PDE4B: variants seen among roughly 807,000 people sequenced by gnomAD.
PDE4B encodes the protein phosphodiesterase 4B, also known as 3',5'-cyclic-AMP phosphodiesterase 4B.
PDE4B carries 20 observed loss-of-function variants against 82.2 expected under a neutral mutation model. That is an observed-to-expected ratio of 0.24 (90% CI 0.17 to 0.35). The LOEUF (loss-of-function observed/expected upper bound fraction) is 0.35, where lower values mean the gene tolerates loss of function less well. PDE4B is among the 10% of genes least tolerant of loss of function. The pLI is 1.00. For missense variants in PDE4B, 655 were observed against 907.2 expected, an observed-to-expected ratio of 0.72 and a Z score of 3.57; for synonymous variants, 320 against 318.9, an observed-to-expected ratio of 1.00 and a Z score of -0.04.
rs71058429 is a variant in PDE4B at position 65,796,646 on chromosome 1, C to CTT, written c.-71+3418_-71+3419dup. 5.4e-3 allele frequency among the ~76,000 whole-genome samples: 415 copies of CTT among 76,296 alleles called. 9 individuals are homozygous for CTT. Among genetic ancestry groups the CTT allele is most frequent in the Middle Eastern group, 0.018 (2 of 114 alleles). The allele number at this position is 76,296 out of a possible 152,430, so 50.1% of individuals were successfully genotyped here. A position where few individuals can be genotyped will look rare whatever the true frequency, so the allele number is the denominator to read the frequency against. Reference sequence around the variant, plus strand: ...GAGAATTTGTATTTGCTTGCTGAAACTTTTTTTTTTTTTTTTTTTTTGAGA... The same window carrying CTT: ...GAGAATTTGTATTTGCTTGCTGAAACTTTTTTTTTTTTTTTTTTTTTTTGAGA... On this transcript the variant is annotated intron_variant, in intron 1 of 16. Coordinates refer to ENST00000341517, the MANE Select transcript of PDE4B (RefSeq NM_002600.4).
At chr1:66,139,735 C>CA (rs10654385) in intron 3 of PDE4B, among the ~76,000 whole-genome samples, 1,062 of 99,852 alleles carry the variant, frequency 0.011, 24 homozygotes, top group Middle Eastern at 0.031. Flanking sequence ...CCTCCCCCCT[C>CA]AAAAAAAAAA....
chr1:66,192,114 A>G (rs1451456840), intron 3 of PDE4B, among the ~76,000 whole-genome samples: 1 of 152,156 alleles, frequency 6.6e-6, no homozygotes, highest in Non-Finnish European at 1.5e-5. Context: ...GTACTAAAAA[A>G]GGCTTACTTG....
At chr1:66,120,437 C>G (rs1645686731) in intron 3 of PDE4B, among the ~76,000 whole-genome samples, 1 of 152,192 alleles carries the variant, frequency 6.6e-6, no homozygotes, top group Non-Finnish European at 1.5e-5. Context: ...GTGTCTCATA[C>G]ATCATGGATC....
intron 2 of PDE4B, among the ~76,000 whole-genome samples, chr1:65,918,048 TAGCTACTTGG>T (rs1306618791): frequency 1.3e-5 from 2 of 152,012 alleles, no homozygotes; most frequent in African/African-American, 4.8e-5. Context: ...CCTGTAGTCC[TAGCTACTTGG>T]GAGGCTGAGG....
intron 1 of PDE4B, among the ~76,000 whole-genome samples, chr1:65,818,560 T>A (rs1443029983): frequency 1.3e-5 from 2 of 151,794 alleles, no homozygotes; most frequent in Non-Finnish European, 2.9e-5. Context: ...GTCTTCTGTA[T>A]AAATATTAGG....
rs547798252 is a variant in PDE4B at position 66,030,712 on chromosome 1, G to A, written c.281+111877G>A. On this transcript the variant is annotated intron_variant, in intron 3 of 16. Transcript: ENST00000341517. ...TAGCAAAGACATGGAATCAACCTAGGAGCCCATCAGCAGAGGATAGGATAA... is the reference window on the plus strand; with the variant it reads ...TAGCAAAGACATGGAATCAACCTAGAAGCCCATCAGCAGAGGATAGGATAA... Among the ~76,000 whole-genome samples the A allele has an allele frequency of 4.3e-4, 65 of 152,212 alleles. No individual in the cohort carries two copies. In the South Asian group the frequency reaches 4.4e-3, roughly 10 times the overall value.
At chr1:65,873,582 T>C (rs1298221080) in intron 1 of PDE4B, among the ~76,000 whole-genome samples, 3 of 152,210 alleles carry the variant, frequency 2.0e-5, no homozygotes, top group Admixed American at 6.5e-5. Context: ...AATCATCACA[T>C]ACTTTCCTCA....
chr1:66,076,283 G>T (rs887311560), intron 3 of PDE4B, among the ~76,000 whole-genome samples: 6 of 152,146 alleles, frequency 3.9e-5, no homozygotes, highest in Admixed American at 2.6e-4. Context: ...TAGTATTTGG[G>T]TTTCCATTTC....
intron 3 of PDE4B, among the ~76,000 whole-genome samples, chr1:66,123,797 G>A (rs1474655152): frequency 6.6e-6 from 1 of 152,156 alleles, no homozygotes; most frequent in East Asian, 1.9e-4. Context: ...TTTACTCACA[G>A]TACTTGTGAT....
chr1:66,201,580 G>C (rs1084484), intron 3 of PDE4B, among the ~76,000 whole-genome samples: 1 of 147,114 alleles, frequency 6.8e-6, no homozygotes, highest in Admixed American at 6.8e-5. Context: ...TTGGGAGGGC[G>C]TATGTGTCGA....
intron 3 of PDE4B, among the ~76,000 whole-genome samples, chr1:66,173,330 C>G (rs1475480062): frequency 1.3e-5 from 2 of 152,114 alleles, no homozygotes; most frequent in Non-Finnish European, 2.9e-5. Flanking sequence ...TGTGAGGGAC[C>G]ATAAAGATAT....
intron 1 of PDE4B, among the ~76,000 whole-genome samples, chr1:65,896,945 A>G (rs1047488120): frequency 6.6e-6 from 1 of 152,032 alleles, no homozygotes; most frequent in Non-Finnish European, 1.5e-5. Flanking sequence ...TTTTAAAAGG[A>G]AGTGAGGTTG....
At chr1:65,804,857 G>A (rs1645736081) in intron 1 of PDE4B, among the ~76,000 whole-genome samples, 1 of 151,296 alleles carries the variant, frequency 6.6e-6, no homozygotes, top group Non-Finnish European at 1.5e-5. Flanking sequence ...GGACCTTAGA[G>A]TAGAGGTGCT....
chr1:66,042,442 T>C (rs1421046578), intron 3 of PDE4B: 2 of 151,802 alleles, frequency 1.3e-5, no homozygotes, highest in Admixed American at 1.3e-4. Context: ...ATATTAATTA[T>C]GTACAACTGC....
At chr1:66,358,670 G>A (rs1242281650) in intron 9 of PDE4B, among the ~76,000 whole-genome samples, 2 of 102,214 alleles carry the variant, frequency 2.0e-5, no homozygotes, top group African/African-American at 7.1e-5. Context: ...GCAAAACTCT[G>A]TCTCAAAAAA....
chr1:65,824,796 C>T lies in PDE4B; in HGVS notation c.-71+31548C>T, dbSNP rs960495759. Reference sequence around the variant, plus strand: ...TTCTTTGTGTGATTGATGCTGAATACAGCTTTGTTGCTGCCTCCTCAGGTC... The same window carrying T: ...TTCTTTGTGTGATTGATGCTGAATATAGCTTTGTTGCTGCCTCCTCAGGTC... On this transcript the variant is annotated intron_variant, in intron 1 of 16. Transcript: ENST00000341517. Among the ~76,000 whole-genome samples, 13 of 152,256 alleles carry T rather than the reference C, an allele frequency of 8.5e-5. No individual in the cohort carries two copies. The East Asian group carries it at 2.1e-3, about 25-fold the overall frequency.
chr1:65,834,324 G>A (rs1046389675), intron 1 of PDE4B, among the ~76,000 whole-genome samples: 1 of 152,130 alleles, frequency 6.6e-6, no homozygotes, highest in East Asian at 1.9e-4. Flanking sequence ...GATTACAGGC[G>A]CCTGGCCTAA....
In PDE4B at chr1:66,336,247, T is replaced by C. The variant is rs776181803; in HGVS notation, c.747+3627T>C. ...CCTGTCTCCTTCCTGACAGACGCAG[T>C]CAGTAAAGTACAGGGTTGCAACAAC... On this transcript the variant is annotated intron_variant, in intron 8 of 16. Transcript: ENST00000341517. Among the ~76,000 whole-genome samples the C allele has an allele frequency of 2.0e-5, 3 of 152,106 alleles. No homozygotes were observed. The South Asian group carries it at 6.2e-4, about 31-fold the overall frequency.
At chr1:66,119,282 G>A (rs574809984) in intron 3 of PDE4B, among the ~76,000 whole-genome samples, 1 of 152,160 alleles carries the variant, frequency 6.6e-6, no homozygotes, top group Non-Finnish European at 1.5e-5. Context: ...ATTCGGTGGT[G>A]TGTTTTCCAC....
Sources: allele counts gnomAD v4.1 joint callset (sites outside exome capture counted in the v4.1 genomes callset), GRCh38; gene constraint gnomAD v4.1.1; transcripts MANE v1.5; gene names NCBI Gene and HGNC (gene_info 2026-07-23, HGNC 2026-07-21).